Variants in SLC2A12 observed in about 807,000 individuals in gnomAD.
SLC2A12 encodes the protein solute carrier family 2 member 12.
SLC2A12 carries 23 observed loss-of-function variants against 41.8 expected under a neutral mutation model. The observed-to-expected ratio is 0.55, with a 90% confidence interval of 0.40 to 0.78. SLC2A12 has a LOEUF of 0.78. SLC2A12 is among the 30% of genes least tolerant of loss of function. The pLI, the probability that SLC2A12 is intolerant of heterozygous loss-of-function variation, is 0.00. For synonymous variants in SLC2A12, 295 were observed against 285.9 expected (o/e 1.03, Z -0.32); for missense variants, 654 against 745.6 (o/e 0.88, Z 1.43).
At chr6:133,998,768 T>C (rs1221574200) in intron 4 of SLC2A12, among the ~76,000 whole-genome samples, 8 of 152,216 alleles carry the variant, frequency 5.3e-5, no homozygotes, top group Non-Finnish European at 7.3e-5. Flanking sequence ...CTCAAACTCC[T>C]GGGTTCAAGC....
Position 134,028,455 on chromosome 6 carries a change from G to T in SLC2A12, c.1370C>A (p.Pro457Gln), listed in dbSNP as rs760770479. Residue 457 changes from proline to glutamine, a missense_variant, in exon 2 of 5, where the codon CCA becomes CAA. Pro to Gln is a moderately conservative substitution (Grantham distance 76). Coordinates refer to ENST00000275230, the MANE Select transcript of SLC2A12 (RefSeq NM_145176.3). ...TAAGGACAGCCATTTCAAAAAAGCT[G>T]GGACGTCCCCAGGGTCTGTGACTAT... is the stretch of plus-strand genomic sequence containing the variant. ...YQIVTDPGDVPAFLKWLSLAS... is the reference protein window; with the variant it reads ...YQIVTDPGDVQAFLKWLSLAS... The T allele has an allele frequency of 1.9e-6, 3 of 1,614,190 alleles. No individual in the cohort carries two copies. The Admixed American group carries it at 5.0e-5, about 27-fold the overall frequency.
chr6:134,046,644 A>AT (rs1473882963), intron 1 of SLC2A12, among the ~76,000 whole-genome samples: 28 of 151,734 alleles, frequency 1.8e-4, no homozygotes, highest in East Asian at 5.8e-4. Context: ...ACTAAAAAAA[A>AT]ATATATATAT....
chr6:134,016,335 A>G (rs978762972), intron 2 of SLC2A12, among the ~76,000 whole-genome samples: 1 of 152,134 alleles, frequency 6.6e-6, no homozygotes, highest in Non-Finnish European at 1.5e-5. Flanking sequence ...TCCAGGGAAG[A>G]CATCCGGGTA....
chr6:134,008,773 G>A (rs148384236), intron 2 of SLC2A12, among the ~76,000 whole-genome samples: 67 of 152,190 alleles, frequency 4.4e-4, no homozygotes, highest in Non-Finnish European at 7.6e-4. Context: ...TATATGCCAC[G>A]GACCAACCTC....
chr6:134,021,840 T>C lies in SLC2A12; in HGVS notation c.1444+6541A>G, dbSNP rs377020281. Among the ~76,000 whole-genome samples the C allele has an allele frequency of 3.9e-5, 6 of 152,322 alleles. No individual in the cohort carries two copies. The East Asian group carries it at 7.7e-4, about 20-fold the overall frequency. On this transcript the variant is annotated intron_variant, in intron 2 of 4. Transcript: ENST00000275230. ...TTCAAAGAGGAGATAAAGCTTTCAT[T>C]TAACTTCAAAAAGAGGAAGGATCTG...
rs577959149 is a variant in SLC2A12 at position 134,015,097 on chromosome 6, AAC to A, written c.1445-8165_1445-8164del. 4.0e-3 allele frequency among the ~76,000 whole-genome samples: 613 copies of A among 152,370 alleles called. 3 individuals are homozygous for A. The highest frequency in any genetic ancestry group is 0.013 in the African/African-American group (558 of 41,588). On this transcript the variant is annotated intron_variant, in intron 2 of 4. Transcript: ENST00000275230. ...TTGACTTAATTAGTTGAGAAAAAGG[AAC>A]AGTGTTTGTGTAAATATTGGTGATA...
chr6:134,044,323 CAT>C (rs1356063906), intron 1 of SLC2A12, among the ~76,000 whole-genome samples: 1 of 152,350 alleles, frequency 6.6e-6, no homozygotes, highest in East Asian at 1.9e-4. Context: ...GGTCTGGCAT[CAT>C]ATCTGATTCC....
intron 1 of SLC2A12, among the ~76,000 whole-genome samples, chr6:134,045,256 T>A (rs956045968): frequency 6.6e-6 from 1 of 152,200 alleles, no homozygotes; most frequent in Non-Finnish European, 1.5e-5. Context: ...AGTCCTGAAA[T>A]GAGTGTAACT....
At chr6:134,041,895 G>A (rs970395534) in intron 1 of SLC2A12, among the ~76,000 whole-genome samples, 10 of 152,128 alleles carry the variant, frequency 6.6e-5, no homozygotes, top group Admixed American at 6.5e-5. Context: ...GTCCCCTGGC[G>A]TCTCCAGGAA....
intron 2 of SLC2A12, among the ~76,000 whole-genome samples, chr6:134,022,960 A>G (rs921903468): frequency 6.6e-6 from 1 of 152,186 alleles, no homozygotes; most frequent in African/African-American, 2.4e-5. Context: ...CAACCAACCA[A>G]TAAGCTAATG....
chr6:134,036,039 C>T (rs945125862), intron 1 of SLC2A12, among the ~76,000 whole-genome samples: 1 of 152,194 alleles, frequency 6.6e-6, no homozygotes, highest in Admixed American at 6.5e-5. Flanking sequence ...TGAGTTTCTG[C>T]CTGCTTTCTT....
At chr6:133,996,396 A>G (rs1012610531) in intron 4 of SLC2A12, among the ~76,000 whole-genome samples, 2 of 151,848 alleles carry the variant, frequency 1.3e-5, no homozygotes, top group Non-Finnish European at 2.9e-5. Context: ...TTCAAAATAA[A>G]ATCTTTTCAA....
At position 134,052,455 on chromosome 6, in the gene SLC2A12, C is replaced by T; in HGVS notation, c.26G>A (p.Gly9Asp). The T allele has an allele frequency of 6.2e-7, 1 of 1,613,416 alleles. No individual in the cohort carries two copies. The highest frequency in any genetic ancestry group is 1.1e-5 in the South Asian group (1 of 91,070). Residue 9 changes from glycine to aspartate, a missense_variant, in exon 1 of 5, where the codon GGC becomes GAC. Physicochemically the swap from Gly to Asp is moderately conservative, Grantham distance 94. Around this residue, in one of 3 missense-constraint regions of SLC2A12, gnomAD observed 109 missense variants for 153.0 expected, o/e 0.71. Coordinates refer to ENST00000275230, the MANE Select transcript of SLC2A12 (RefSeq NM_145176.3). MVPVENTE[G>D]PSLLNQKGTA... ...CCCCTTCTGGTTCAGCAGACTGGGG[C>T]CCTCGGTGTTTTCAACAGGTACCAT... is the stretch of plus-strand genomic sequence containing the variant.
chr6:133,992,657 T>G, intron 4 of SLC2A12, among the ~76,000 whole-genome samples: 1 of 151,138 alleles, frequency 6.6e-6, no homozygotes, highest in African/African-American at 2.4e-5. Flanking sequence ...GAGAAGAGAG[T>G]AAAGGGAGAA....
chr6:134,011,106 CAG>C (rs1384584035), intron 2 of SLC2A12, among the ~76,000 whole-genome samples: 1 of 152,154 alleles, frequency 6.6e-6, no homozygotes, highest in Non-Finnish European at 1.5e-5. Context: ...ACTCAGACTG[CAG>C]AGTTTTCAAC....
intron 2 of SLC2A12, among the ~76,000 whole-genome samples, chr6:134,028,146 A>G (rs1777139013): frequency 6.6e-6 from 1 of 152,224 alleles, no homozygotes. Flanking sequence ...TCCTCAATTA[A>G]TGGGAATTAA....
chr6:133,991,386 A>G (rs1324534281), intron 4 of SLC2A12, 78 bp from the exon 5 acceptor site: 4 of 1,476,796 alleles, frequency 2.7e-6, no homozygotes, highest in Non-Finnish European at 3.7e-6. Flanking sequence ...TATTTTTTAA[A>G]CCACCCTGGG....
chr6:133,992,008 C>G (rs1346237165), intron 4 of SLC2A12, among the ~76,000 whole-genome samples: 1 of 152,136 alleles, frequency 6.6e-6, no homozygotes, highest in African/African-American at 2.4e-5. Flanking sequence ...CTGTATTATA[C>G]AGGTGGCATC....
chr6:133,991,266 T>A lies in SLC2A12; in HGVS notation c.1743A>T (p.Gln581His). Residue 581 changes from glutamine to histidine, a missense_variant, in exon 5 of 5, where the codon CAA becomes CAT. Transcript: ENST00000275230. ...KNNICFMSHH[Q>H]EELVPKQPQK... is the part of the protein sequence containing the mutation. The stretch of plus-strand genomic sequence containing the variant: ...GAGGCTGTTTTGGCACTAATTCTTC[T>A]TGGTGATGACTCATAAAACAAATGT... 1 of 1,614,110 alleles carries A rather than the reference T, an allele frequency of 6.2e-7. No homozygotes were observed. Among genetic ancestry groups the A allele is most frequent in the Non-Finnish European group, 8.5e-7 (1 of 1,180,002 alleles).
Sources: gnomAD v4.1 joint callset for allele counts (sites outside exome capture counted in the v4.1 genomes callset) on GRCh38, gnomAD v4.1.1 for gene constraint, gnomAD v4.1.1 regional missense constraint, MANE v1.5 for transcripts, NCBI Gene and HGNC (gene_info 2026-07-23, HGNC 2026-07-21) for gene names.